The following PCDH11X variants were observed in gnomAD, a reference collection of about 807,000 sequenced individuals.
The protein encoded by PCDH11X is protocadherin 11 X-linked.
A neutral mutation model predicts 53.3 loss-of-function variants in PCDH11X; 18 were observed. The observed-to-expected ratio is 0.34, with a 90% CI of 0.23 to 0.50. The LOEUF is 0.50. Among genes scored for constraint, PCDH11X ranks in the 20% least tolerant of loss-of-function variants. The pLI is 0.98. For missense variants in PCDH11X, 570 were observed against 1,032.4 expected (o/e 0.55, Z 6.14); for synonymous variants, 279 against 393.3 (o/e 0.71, Z 3.44).
At chrX:92,128,688 C>T (rs2064916825) in intron 6 of PCDH11X, among the ~76,000 whole-genome samples, 1 of 110,382 alleles carries the variant, frequency 9.1e-6, no homozygotes, top group Non-Finnish European at 1.9e-5. Flanking sequence ...TGTCAGCCAC[C>T]ACACCTGGCC....
intron 6 of PCDH11X, among the ~76,000 whole-genome samples, chrX:91,898,129 C>A (rs1312943811): frequency 9.0e-6 from 1 of 110,717 alleles, no homozygotes; most frequent in African/African-American, 3.3e-5. Flanking sequence ...ATGTACATAG[C>A]ACAGCATAAA....
chrX:92,262,729 A>G (rs2067743720), intron 7 of PCDH11X, among the ~76,000 whole-genome samples: 1 of 111,690 alleles, frequency 9.0e-6, no homozygotes, highest in African/African-American at 3.2e-5. Context: ...TATGCTTGAA[A>G]TAAAGGCCCA....
At chrX:92,424,178 G>A (rs985169167) in intron 9 of PCDH11X, among the ~76,000 whole-genome samples, 3 of 52,629 alleles carry the variant, frequency 5.7e-5, no homozygotes, top group Non-Finnish European at 1.1e-4. Context: ...ATTTCTATTG[G>A]CAAATGTTTT....
intron 6 of PCDH11X, among the ~76,000 whole-genome samples, chrX:92,093,469 C>A (rs762658918): frequency 1.8e-5 from 2 of 111,405 alleles, no homozygotes; most frequent in South Asian, 7.7e-4. Flanking sequence ...CAGTGTGAAC[C>A]AGACCATATT....
intron 8 of PCDH11X, among the ~76,000 whole-genome samples, chrX:92,266,576 T>C (rs1262425199): frequency 9.0e-6 from 1 of 111,609 alleles, no homozygotes; most frequent in East Asian, 2.8e-4. Context: ...TTATATTTCG[T>C]AGATAAGCTA....
intron 6 of PCDH11X, among the ~76,000 whole-genome samples, chrX:92,153,149 G>T (rs1364871373): frequency 9.1e-6 from 1 of 110,199 alleles, no homozygotes; most frequent in African/African-American, 3.3e-5. Context: ...TTTCCCAAGG[G>T]GGTATACTTA....
At chrX:92,467,266 G>A (rs2073174140) in intron 9 of PCDH11X, among the ~76,000 whole-genome samples, 1 of 111,147 alleles carries the variant, frequency 9.0e-6, no homozygotes, top group South Asian at 3.7e-4. Context: ...CTCTTTTATT[G>A]ATCCTTATTA....
intron 6 of PCDH11X, among the ~76,000 whole-genome samples, chrX:92,185,781 A>G (rs1265165647): frequency 1.8e-5 from 2 of 110,856 alleles, no homozygotes; most frequent in East Asian, 5.7e-4. Context: ...CCAAATCCAA[A>G]TCACAATGAG....
At chrX:92,005,435 C>A (rs975994588) in intron 6 of PCDH11X, among the ~76,000 whole-genome samples, 6 of 111,278 alleles carry the variant, frequency 5.4e-5, no homozygotes, top group African/African-American at 2.0e-4. Flanking sequence ...AATATGATAA[C>A]AACTTAATAC....
At chrX:91,985,010 G>A (rs36045629) in intron 6 of PCDH11X, among the ~76,000 whole-genome samples, 1 of 111,335 alleles carries the variant, frequency 9.0e-6, no homozygotes, top group Admixed American at 9.6e-5. Context: ...CAACATCATC[G>A]CTAGGGCAGC....
chrX:92,106,113 A>G (rs57320781), intron 6 of PCDH11X, among the ~76,000 whole-genome samples: 17,443 of 109,233 alleles, frequency 0.16, 1,323 homozygotes, highest in East Asian at 0.39. Context: ...TCTTTCACAC[A>G]TATCATTTAT....
chrX:92,421,511 T>C (rs1439096050), intron 9 of PCDH11X, among the ~76,000 whole-genome samples: 1 of 111,911 alleles, frequency 8.9e-6, no homozygotes, highest in African/African-American at 3.3e-5. Context: ...TGGTGTTCCA[T>C]TGATGGGCAT....
At chrX:92,355,435 AAAAAAAAAAAAAAG>A (rs1381926248) in intron 8 of PCDH11X, among the ~76,000 whole-genome samples, 1 of 98,690 alleles carries the variant, frequency 1.0e-5, no homozygotes, top group African/African-American at 3.9e-5. Context: ...AAAAAAAAAA[AAAAAAAAAAAAAAG>A]AAATTGTTGA....
chrX:92,327,326 TAA>T (rs4021166), intron 8 of PCDH11X, among the ~76,000 whole-genome samples: 6 of 84,960 alleles, frequency 7.1e-5, no homozygotes, highest in African/African-American at 1.8e-4. Flanking sequence ...AATGATGCTT[TAA>T]AAAAAAAAAA....
chrX:92,255,260 C>A (rs1328228848), intron 7 of PCDH11X, among the ~76,000 whole-genome samples: 1 of 105,835 alleles, frequency 9.4e-6, no homozygotes, highest in African/African-American at 3.4e-5. Context: ...GCATTCTTCA[C>A]GTAGTTCTCG....
intron 10 of PCDH11X, among the ~76,000 whole-genome samples, chrX:92,481,207 C>G (rs994248451): frequency 5.5e-5 from 6 of 109,871 alleles, no homozygotes; most frequent in African/African-American, 1.7e-4. Context: ...CCCACCAAGG[C>G]TCTGACTGCA....
intron 1 of PCDH11X, chrX:91,798,140 A>C (rs933658690): frequency 3.6e-5 from 4 of 110,965 alleles, no homozygotes; most frequent in Non-Finnish European, 7.5e-5. Flanking sequence ...ATCTGTTCCT[A>C]TCAGTTTAAT....
chrX:92,232,269 A>G (rs1229765869), intron 7 of PCDH11X, among the ~76,000 whole-genome samples: 1 of 111,157 alleles, frequency 9.0e-6, no homozygotes, highest in Admixed American at 9.6e-5. Context: ...ATGGAATAGA[A>G]AGGTCAGTGG....
intron 9 of PCDH11X, chrX:92,461,022 G>T: frequency 4.0e-6 from 2 of 505,756 alleles, no homozygotes; most frequent in Admixed American, 7.3e-5. Flanking sequence ...AAAAAAAAAA[G>T]ATTTAAACAA....
Sources: allele counts gnomAD v4.1 joint callset (sites outside exome capture counted in the v4.1 genomes callset), GRCh38; gene constraint gnomAD v4.1.1; transcripts MANE v1.5; gene names NCBI Gene and HGNC (gene_info 2026-07-23, HGNC 2026-07-21).